Variants in RINT1 observed in about 807,000 individuals in gnomAD.
The protein encoded by RINT1 is RAD50-interacting protein 1.
RINT1 carries 75 observed loss-of-function variants against 97.7 expected under a neutral mutation model. The observed-to-expected ratio is 0.77, with a 90% CI of 0.64 to 0.93. The LOEUF is 0.93. RINT1 is among the 40% of genes least tolerant of loss of function. RINT1 has a pLI of 0.00. For missense variants in RINT1, 892 were observed against 925.2 expected (o/e 0.96, Z 0.47); for synonymous variants, 303 against 326.3 (o/e 0.93, Z 0.77).
At chr7:105,539,720 T>C (rs1187636980) in intron 3 of RINT1, among the ~76,000 whole-genome samples, 1 of 152,196 alleles carries the variant, frequency 6.6e-6, no homozygotes, top group Admixed American at 6.5e-5. Flanking sequence ...TTGGGAGCTT[T>C]GTAGAAATGC....
In RINT1 at chr7:105,536,692, G is replaced by A; in HGVS notation, c.216G>A (p.Lys72=). The change falls in exon 3 of 15, where the codon AAG becomes AAA. Residue 72 remains lysine (K), a synonymous_variant. Transcript: ENST00000257700. ...KEVGNDLKSL[K]KLDKLIEQRT... is the part of the protein sequence containing the mutation. ...TTGGAAATGACCTTAAATCTTTAAA[G>A]AAACTTGATAAACTCATAGAACAGA... The A allele has an allele frequency of 6.2e-7, 1 of 1,612,486 alleles. No homozygotes were observed. The highest frequency in any genetic ancestry group is 2.2e-5 in the East Asian group (1 of 44,790).
At chr7:105,538,518 T>C (rs1790332992) in intron 3 of RINT1, among the ~76,000 whole-genome samples, 1 of 152,238 alleles carries the variant, frequency 6.6e-6, no homozygotes, top group Non-Finnish European at 1.5e-5. Flanking sequence ...GAGGAAGTCA[T>C]GCAGCTGAGT....
At chr7:105,556,483 G>T (rs1791185829) in intron 11 of RINT1, among the ~76,000 whole-genome samples, 1 of 151,614 alleles carries the variant, frequency 6.6e-6, no homozygotes, top group Non-Finnish European at 1.5e-5. Context: ...TATATAGAGA[G>T]ATATATATTA....
chr7:105,566,994 T>G, intron 14 of RINT1, 125 bp from the exon 15 acceptor site: 1 of 497,770 alleles, frequency 2.0e-6, no homozygotes, highest in East Asian at 3.3e-5. Context: ...AATAAATCCA[T>G]AAATATTTTT....
At position 105,567,329 on chromosome 7, in the gene RINT1, T is replaced by G; in HGVS notation, c.*18T>G. ...GAAAATAATGTCTTTCAGAAAAAGGTTTCTTTGGTTTTTGTTTCTAAGAAA... is the reference window on the plus strand; with the variant it reads ...GAAAATAATGTCTTTCAGAAAAAGGGTTCTTTGGTTTTTGTTTCTAAGAAA... On this transcript the variant is annotated 3_prime_UTR_variant, in exon 15 of 15. Coordinates refer to ENST00000257700, the MANE Select transcript of RINT1 (RefSeq NM_021930.6). 1.3e-6 allele frequency: 2 copies of G among 1,544,018 alleles called. No homozygotes were observed. The highest frequency in any genetic ancestry group is 1.8e-6 in the Non-Finnish European group (2 of 1,135,670).
chr7:105,561,065 T>C (rs149780098), intron 11 of RINT1, among the ~76,000 whole-genome samples: 1 of 151,054 alleles, frequency 6.6e-6, no homozygotes, highest in Non-Finnish European at 1.5e-5. Context: ...TGGCTTATGA[T>C]GTGTTCACGG....
At chr7:105,565,741 G>T in intron 14 of RINT1, 93 bp downstream of exon 14, 1 of 811,064 alleles carries the variant, frequency 1.2e-6, no homozygotes, top group East Asian at 2.5e-5. Flanking sequence ...ATGTTTGGGT[G>T]GGATAAGATC....
At chr7:105,539,355 C>CT (rs56362601) in intron 3 of RINT1, among the ~76,000 whole-genome samples, 1,365 of 131,560 alleles carry the variant, frequency 0.01, 10 homozygotes, top group Non-Finnish European at 0.013. Context: ...CTTTCCCACT[C>CT]TTTTTTTTTT....
intron 11 of RINT1, among the ~76,000 whole-genome samples, chr7:105,560,426 T>C (rs1586260005): frequency 6.6e-6 from 1 of 152,118 alleles, no homozygotes; most frequent in East Asian, 1.9e-4. Flanking sequence ...TTGATGCCCA[T>C]GACACATTGC....
intron 3 of RINT1, 140 bp downstream of exon 3, chr7:105,536,889 G>A (rs894783942): frequency 2.4e-6 from 1 of 410,868 alleles, no homozygotes; most frequent in Non-Finnish European, 3.9e-6. Flanking sequence ...GAGGATTTAA[G>A]AACGTACATT....
chr7:105,535,010 GATATTA>G (rs1015475838), intron 2 of RINT1, among the ~76,000 whole-genome samples: 1 of 151,938 alleles, frequency 6.6e-6, no homozygotes, highest in Non-Finnish European at 1.5e-5. Context: ...TCATTATTTA[GATATTA>G]ATATTAATAA....
intron 4 of RINT1, among the ~76,000 whole-genome samples, chr7:105,544,521 A>AC (rs1790581062): frequency 6.6e-6 from 1 of 151,358 alleles, no homozygotes; most frequent in Non-Finnish European, 1.5e-5. Context: ...TGCAACCTCC[A>AC]CCTCCCGGGT....
intron 14 of RINT1, chr7:105,566,773 TCTG>T (rs1482223432): frequency 5.0e-5 from 8 of 160,152 alleles, no homozygotes; most frequent in African/African-American, 1.7e-4. Flanking sequence ...TAATGTTCTT[TCTG>T]CTGCTTTCAT....
rs867959982 is a variant in RINT1 at position 105,535,670 on chromosome 7, C to T, written c.89-895C>T. 2.1e-5 allele frequency: 9 copies of T among 430,358 alleles called. No homozygotes were observed. In the Middle Eastern group the frequency reaches 3.9e-3, roughly 188 times the overall value. The allele number at this position is 430,358 out of a possible 1,614,324, so 26.7% of individuals were successfully genotyped here. Reference sequence around the variant, plus strand: ...CAGGCTGCTCAAGCAATCCTCCCACCTCAGCCCACCTGAGACTACAGGTGT... The same window carrying T: ...CAGGCTGCTCAAGCAATCCTCCCACTTCAGCCCACCTGAGACTACAGGTGT... On this transcript the variant is annotated intron_variant, in intron 2 of 14. Coordinates refer to ENST00000257700, the MANE Select transcript of RINT1 (RefSeq NM_021930.6).
At chr7:105,532,694 C>G (rs1790081823) in intron 1 of RINT1, 130 bp from the exon 2 acceptor site, 1 of 996,732 alleles carries the variant, frequency 1.0e-6, no homozygotes, top group African/African-American at 1.6e-5. Flanking sequence ...TCGGACGGCC[C>G]TGGTCGCTCA....
At chr7:105,563,704 CTA>C in intron 11 of RINT1, 27 bp from the exon 12 acceptor site, 1 of 1,542,980 alleles carries the variant, frequency 6.5e-7, no homozygotes, top group Non-Finnish European at 8.9e-7. Context: ...AAAAAGTATG[CTA>C]ATGTGTTAAC....
chr7:105,546,048 C>A (rs1201669482), intron 4 of RINT1, among the ~76,000 whole-genome samples: 1 of 151,982 alleles, frequency 6.6e-6, no homozygotes, highest in African/African-American at 2.4e-5. Flanking sequence ...AGGCTGGTCT[C>A]AAACTCCTGA....
Position 105,542,288 on chromosome 7 carries a change from T to C in RINT1, c.274-120T>C, listed in dbSNP as rs533223479. 100 of 712,156 alleles carry C rather than the reference T, an allele frequency of 1.4e-4. 2 individuals are homozygous for C. The South Asian group carries it at 1.8e-3, about 13-fold the overall frequency. 44.1% of individuals were successfully genotyped at this position (712,156 alleles called of 1,614,324 possible). A position where few individuals can be genotyped will look rare whatever the true frequency, so the allele number is the denominator to read the frequency against. Reference sequence around the variant, plus strand: ...AAGTCCAGGCTGCAGTGAGCTATGATGGTACCACTGCACTCCAGCCTGGGC... The same window carrying C: ...AAGTCCAGGCTGCAGTGAGCTATGACGGTACCACTGCACTCCAGCCTGGGC... On this transcript the variant is annotated intron_variant, in intron 3 of 14. Transcript: ENST00000257700.
chr7:105,541,134 A>G (rs1321356773), intron 3 of RINT1, among the ~76,000 whole-genome samples: 3 of 144,934 alleles, frequency 2.1e-5, no homozygotes, highest in African/African-American at 7.8e-5. Context: ...CACCGCACCC[A>G]GCTTGCATTT....
Sources: allele counts gnomAD v4.1 joint callset (sites outside exome capture counted in the v4.1 genomes callset), GRCh38; gene constraint gnomAD v4.1.1; transcripts MANE v1.5; gene names NCBI Gene and HGNC (gene_info 2026-07-23, HGNC 2026-07-21).